The following SYNJ2 variants were observed in gnomAD, a reference collection of about 807,000 sequenced individuals.
SYNJ2 encodes polyphosphatidylinositol phosphatase SYNJ2.
Under a neutral mutation model 141.3 loss-of-function variants are expected in SYNJ2, and 116 were observed. The observed-to-expected ratio is 0.82, with a 90% CI of 0.71 to 0.96. The LOEUF is 0.96. Ranked by LOEUF, SYNJ2 falls within the 40% of genes least tolerant of loss-of-function variation. The pLI is 0.00. For missense variants in SYNJ2, 1,873 were observed against 1,934.8 expected, an observed-to-expected ratio of 0.97 and a Z score of 0.60; for synonymous variants, 745 against 777.7, an observed-to-expected ratio of 0.96 and a Z score of 0.70.
chr6:158,032,964 G>A (rs1033495370), intron 3 of SYNJ2, among the ~76,000 whole-genome samples: 3 of 152,212 alleles, frequency 2.0e-5, no homozygotes, highest in Non-Finnish European at 4.4e-5. Context: ...TGGTGCATGT[G>A]TGTGTATATG....
chr6:157,999,077 A>G (rs1360664423), intron 1 of SYNJ2, among the ~76,000 whole-genome samples: 1 of 152,276 alleles, frequency 6.6e-6, no homozygotes, highest in Non-Finnish European at 1.5e-5. Context: ...TAGCATATAA[A>G]AGAACTCCTA....
intron 25 of SYNJ2, among the ~76,000 whole-genome samples, chr6:158,090,945 G>A (rs1262021132): frequency 2.0e-5 from 3 of 152,130 alleles, no homozygotes; most frequent in Non-Finnish European, 4.4e-5. Context: ...ATTTAAGGGG[G>A]CATGAGTTAA....
At chr6:158,055,503 ATGTGTGTGTGTGTGTGTG>A (rs61172281) in intron 6 of SYNJ2, among the ~76,000 whole-genome samples, 1 of 147,762 alleles carries the variant, frequency 6.8e-6, no homozygotes, top group Non-Finnish European at 1.5e-5. Flanking sequence ...TTGGCATTTT[ATGTGTGTGTGTGTGTGTG>A]TGTGTGTGTG....
rs753104397 is a variant in SYNJ2, at chr6:158,086,960, C to T, written c.3314C>T (p.Pro1105Leu). The T allele has an allele frequency of 6.2e-7, 1 of 1,602,592 alleles. No individual in the cohort carries two copies. Among genetic ancestry groups the T allele is most frequent in the Non-Finnish European group, 8.5e-7 (1 of 1,178,310 alleles). Residue 1105 changes from proline (P) to leucine (L), a missense_variant, in exon 23 of 27, where the codon CCT (proline) becomes CTT (leucine). Pro to Leu is a moderately conservative substitution (Grantham distance 98). Transcript: ENST00000355585. Reference sequence around the variant, plus strand: ...TCGGTCCCCAACCGGCCTCGGCCACCTCAACCCCCGCAGAGACCCCCCCCT... The same window carrying T: ...TCGGTCCCCAACCGGCCTCGGCCACTTCAACCCCCGCAGAGACCCCCCCCT... ...SLSVPNRPRPPQPPQRPPPPT... is the reference protein window; with the variant it reads ...SLSVPNRPRPLQPPQRPPPPT...
At chr6:158,079,749 A>G (rs1250374524) in intron 18 of SYNJ2, among the ~76,000 whole-genome samples, 1 of 152,238 alleles carries the variant, frequency 6.6e-6, no homozygotes, top group Non-Finnish European at 1.5e-5. Flanking sequence ...CAGATATGTG[A>G]CATCAAGGTT....
intron 6 of SYNJ2, among the ~76,000 whole-genome samples, chr6:158,057,803 C>G (rs542543908): frequency 1.7e-3 from 263 of 152,340 alleles, no homozygotes; most frequent in African/African-American, 6.1e-3. Context: ...CTGCACGTGT[C>G]AGAGCCAGGC....
chr6:158,026,107 A>C, intron 2 of SYNJ2, among the ~76,000 whole-genome samples: 1 of 152,360 alleles, frequency 6.6e-6, no homozygotes, highest in East Asian at 1.9e-4. Context: ...TTTGGCTCCA[A>C]CACAGACTAG....
chr6:158,018,572 A>G (rs546332569), intron 2 of SYNJ2, among the ~76,000 whole-genome samples: 2 of 152,318 alleles, frequency 1.3e-5, no homozygotes, highest in South Asian at 2.1e-4. Context: ...CTGTCATGGA[A>G]TGTTTTTCCC....
At chr6:158,051,734 C>G (rs1484945863) in intron 5 of SYNJ2, among the ~76,000 whole-genome samples, 1 of 151,500 alleles carries the variant, frequency 6.6e-6, no homozygotes, top group Admixed American at 6.6e-5. Context: ...ATCACTTGAG[C>G]CCGGGAGTTC....
chr6:158,085,504 A>T (rs1028173263), intron 22 of SYNJ2, among the ~76,000 whole-genome samples: 7 of 152,178 alleles, frequency 4.6e-5, no homozygotes, highest in Non-Finnish European at 2.9e-5. Context: ...GAGCTTAGCC[A>T]CGCATTGGGC....
At chr6:158,077,439 A>G (rs1049031595) in intron 17 of SYNJ2, among the ~76,000 whole-genome samples, 6 of 147,412 alleles carry the variant, frequency 4.1e-5, no homozygotes, top group African/African-American at 1.5e-4. Flanking sequence ...CCTGCCCCCC[A>G]TGCTCCCCCT....
At chr6:158,083,305 T>C in intron 20 of SYNJ2, 124 bp from the exon 21 acceptor site, 1 of 1,235,718 alleles carries the variant, frequency 8.1e-7, no homozygotes. Context: ...CCCTTGGTTT[T>C]TCAGGGCCAA....
intron 15 of SYNJ2, among the ~76,000 whole-genome samples, chr6:158,072,776 T>G (rs2986009): frequency 0.71 from 108,089 of 151,406 alleles, 38,827 homozygotes; most frequent in East Asian, 0.88. Context: ...CACTTAAAAA[T>G]AGCTACTTTG....
chr6:158,048,113 G>A (rs1012015158), intron 5 of SYNJ2, among the ~76,000 whole-genome samples: 5 of 152,190 alleles, frequency 3.3e-5, no homozygotes, highest in Admixed American at 2.0e-4. Flanking sequence ...TCTGCCAGGT[G>A]TAGGGGGCAC....
intron 2 of SYNJ2, among the ~76,000 whole-genome samples, chr6:158,024,292 G>A (rs1045340325): frequency 6.6e-6 from 1 of 152,100 alleles, no homozygotes; most frequent in Non-Finnish European, 1.5e-5. Context: ...GGGCATGGGG[G>A]CTCATGCCTG....
chr6:158,032,695 G>T (rs1779430099), intron 3 of SYNJ2, among the ~76,000 whole-genome samples: 1 of 152,166 alleles, frequency 6.6e-6, no homozygotes, highest in Admixed American at 6.5e-5. Flanking sequence ...GTGAAAGGGG[G>T]TCACTGATGA....
intron 25 of SYNJ2, among the ~76,000 whole-genome samples, chr6:158,092,008 G>A (rs115313860): frequency 0.012 from 1,801 of 151,698 alleles, 43 homozygotes; most frequent in African/African-American, 0.041. Context: ...GAGTTAGATC[G>A]TATGATGGTT....
rs1554236812 is a variant in SYNJ2 at position 158,029,042 on chromosome 6, C to CCCTGCAGAGGGTGGACCCTGGGTCT, written c.485+30_485+31insACCCTGGGTCTCCTGCAGAGGGTGG. 48 of 1,560,824 alleles carry CCCTGCAGAGGGTGGACCCTGGGTCT rather than the reference C, an allele frequency of 3.1e-5. No homozygotes were observed. Among genetic ancestry groups the CCCTGCAGAGGGTGGACCCTGGGTCT allele is most frequent in the Non-Finnish European group, 4.2e-5 (48 of 1,151,904 alleles). ...CCTTCTTCTGGTGAGGCCCTGGGTCCCCTGCAGAGGGTGGGCCCTGGGTCT... is the reference window on the plus strand; with the variant it reads ...CCTTCTTCTGGTGAGGCCCTGGGTCCCCTGCAGAGGGTGGACCCTGGGTCTCCTGCAGAGGGTGGGCCCTGGGTCT... On this transcript the variant is annotated intron_variant, in intron 3 of 26. Transcript: ENST00000355585.
intron 3 of SYNJ2, among the ~76,000 whole-genome samples, chr6:158,032,145 C>T (rs1779401379): frequency 1.3e-5 from 2 of 151,444 alleles, no homozygotes; most frequent in South Asian, 2.1e-4. Flanking sequence ...TGTGGGGGTG[C>T]ATGTGACTGT....
Sources: gnomAD v4.1 joint callset for allele counts (sites outside exome capture counted in the v4.1 genomes callset) on GRCh38, gnomAD v4.1.1 for gene constraint, MANE v1.5 for transcripts, NCBI Gene and HGNC (gene_info 2026-07-23, HGNC 2026-07-21) for gene names.